SCGB2B2: variants seen among roughly 807,000 people sequenced by gnomAD.
SCGB2B2 encodes the protein secretoglobin family 2B member 2.
In SCGB2B2, 11 loss-of-function variants were observed where a neutral mutation model predicts 7.6. The ratio of observed to expected loss-of-function variants is 1.45; its 90% CI spans 0.91 to 2.40. The LOEUF (loss-of-function observed/expected upper bound fraction) is 2.40. Among genes scored for constraint, SCGB2B2 ranks in the 30% most tolerant of loss-of-function variants. The pLI is 0.00. For synonymous variants in SCGB2B2, 50 were observed against 48.6 expected, an observed-to-expected ratio of 1.03 and a Z score of -0.12; for missense variants, 104 against 115.4, an observed-to-expected ratio of 0.90 and a Z score of 0.45.
intron 1 of SCGB2B2, among the ~76,000 whole-genome samples, chr19:34,644,177 A>G (rs1476986715): frequency 1.3e-5 from 2 of 152,136 alleles, no homozygotes; most frequent in Non-Finnish European, 2.9e-5. Flanking sequence ...GCAATATTGG[A>G]AAGTCAACAG....
intron 1 of SCGB2B2, among the ~76,000 whole-genome samples, chr19:34,650,818 C>T (rs1477181605): frequency 6.6e-6 from 1 of 151,312 alleles, no homozygotes; most frequent in Non-Finnish European, 1.5e-5. Context: ...AACTATAGGC[C>T]AATATCCATG....
intron 1 of SCGB2B2, among the ~76,000 whole-genome samples, chr19:34,664,031 G>A (rs2067542425): frequency 8.6e-6 from 1 of 116,420 alleles, no homozygotes; most frequent in Non-Finnish European, 1.7e-5. Context: ...CACTCAGCAC[G>A]CTGTTGACCT....
At chr19:34,663,952 C>G (rs1443375458) in intron 1 of SCGB2B2, among the ~76,000 whole-genome samples, 6 of 152,038 alleles carry the variant, frequency 3.9e-5, no homozygotes, top group Non-Finnish European at 7.4e-5. Flanking sequence ...AGCTCCTCCA[C>G]AGCCGGGTTG....
intron 1 of SCGB2B2, among the ~76,000 whole-genome samples, chr19:34,604,639 T>C (rs1347994163): frequency 6.6e-6 from 1 of 152,246 alleles, no homozygotes; most frequent in African/African-American, 2.4e-5. Context: ...TAATCTTTTA[T>C]TGATTTTTAT....
intron 1 of SCGB2B2, among the ~76,000 whole-genome samples, chr19:34,641,074 C>T (rs1042961194): frequency 7.8e-5 from 10 of 128,144 alleles, no homozygotes; most frequent in Non-Finnish European, 1.4e-4. Flanking sequence ...TAATCACCAT[C>T]ACACCCCAAA....
At chr19:34,629,992 G>T (rs2066483477) in intron 1 of SCGB2B2, among the ~76,000 whole-genome samples, 1 of 151,866 alleles carries the variant, frequency 6.6e-6, no homozygotes, top group Non-Finnish European at 1.5e-5. Flanking sequence ...TGACAAACCT[G>T]ACAAAAAGAA....
At chr19:34,653,652 G>A (rs1416937915) in intron 1 of SCGB2B2, among the ~76,000 whole-genome samples, 1 of 150,858 alleles carries the variant, frequency 6.6e-6, no homozygotes, top group Non-Finnish European at 1.5e-5. Context: ...TGAAATAAAA[G>A]AATAGTTCAA....
At chr19:34,599,673 G>A (rs2065565061) in intron 1 of SCGB2B2, among the ~76,000 whole-genome samples, 1 of 152,006 alleles carries the variant, frequency 6.6e-6, no homozygotes. Context: ...GATTTGGGTG[G>A]GGACACGGAG....
chr19:34,647,450 C>A (rs1243983444), intron 1 of SCGB2B2, among the ~76,000 whole-genome samples: 4 of 152,188 alleles, frequency 2.6e-5, no homozygotes, highest in East Asian at 3.9e-4. Context: ...GTCTCCCTCC[C>A]AGACTCTCAC....
At chr19:34,620,829 A>G (rs2066222586) in intron 1 of SCGB2B2, among the ~76,000 whole-genome samples, 1 of 152,192 alleles carries the variant, frequency 6.6e-6, no homozygotes, top group Non-Finnish European at 1.5e-5. Flanking sequence ...CAATAATGTC[A>G]AAAGTTACAA....
At chr19:34,652,009 C>G (rs1385567810) in intron 1 of SCGB2B2, among the ~76,000 whole-genome samples, 2 of 151,070 alleles carry the variant, frequency 1.3e-5, no homozygotes, top group Non-Finnish European at 2.9e-5. Flanking sequence ...AACAAAGGCA[C>G]CAAGAACATT....
At chr19:34,586,984 C>T (rs111828135), downstream of SCGB2B2, among the ~76,000 whole-genome samples, 1,232 of 152,196 alleles carry the variant, frequency 8.1e-3, 29 homozygotes, top group African/African-American at 0.028. Flanking sequence ...CTCGGCTCAC[C>T]GCAATCTCTG....
rs2065304883 is a variant in SCGB2B2, at chr19:34,591,854, T to C, written c.*1701A>G. The stretch of plus-strand genomic sequence containing the variant: ...GTCCCGCCTGATCACATTTCCCTGT[T>C]GGGTGGTCCTTGTGGTTCTCATCAC... On this transcript the variant is annotated 3_prime_UTR_variant, in exon 4 of 4. Transcript: ENST00000601241. Among the ~76,000 whole-genome samples, 14 of 152,220 alleles carry C rather than the reference T, an allele frequency of 9.2e-5. No individual in the cohort carries two copies. The highest frequency in any genetic ancestry group is 9.2e-4 in the Admixed American group (14 of 15,282).
intron 1 of SCGB2B2, among the ~76,000 whole-genome samples, chr19:34,609,816 G>C (rs752532382): frequency 3.9e-5 from 6 of 152,098 alleles, no homozygotes; most frequent in Middle Eastern, 3.4e-3. Flanking sequence ...GTCTTTTGTG[G>C]TTTCATACCA....
intron 1 of SCGB2B2, among the ~76,000 whole-genome samples, chr19:34,650,730 C>T (rs1008416627): frequency 6.6e-6 from 1 of 151,238 alleles, no homozygotes; most frequent in Non-Finnish European, 1.5e-5. Context: ...TTGAAGAGTA[C>T]GGAATTCTTC....
chr19:34,612,257 T>C (rs1568431576), intron 1 of SCGB2B2, among the ~76,000 whole-genome samples: 1 of 151,604 alleles, frequency 6.6e-6, no homozygotes, highest in Non-Finnish European at 1.5e-5. Context: ...CAGGATGGTC[T>C]TGATCTCCTG....
intron 1 of SCGB2B2, among the ~76,000 whole-genome samples, chr19:34,648,509 T>A (rs1432070655): frequency 1.3e-5 from 2 of 152,168 alleles, no homozygotes; most frequent in Non-Finnish European, 2.9e-5. Flanking sequence ...TTACCATGAG[T>A]CTACCCATAA....
intron 1 of SCGB2B2, chr19:34,631,986 GAA>G (rs925436754): frequency 6.9e-4 from 105 of 152,216 alleles, no homozygotes; most frequent in African/African-American, 2.5e-3. Flanking sequence ...TAATTTTAAA[GAA>G]AGGTGCAAAG....
chr19:34,670,172 T>G (rs2067765404), intron 1 of SCGB2B2, among the ~76,000 whole-genome samples: 1 of 152,132 alleles, frequency 6.6e-6, no homozygotes, highest in African/African-American at 2.4e-5. Flanking sequence ...GTCGAGCGTT[T>G]TGCCATCTCT....
Sources: allele counts gnomAD v4.1 joint callset (sites outside exome capture counted in the v4.1 genomes callset), GRCh38; gene constraint gnomAD v4.1.1; transcripts MANE v1.5; gene names NCBI Gene and HGNC (gene_info 2026-07-23, HGNC 2026-07-21).